Variants in CABP5 observed in about 807,000 individuals in gnomAD.
CABP5 encodes the protein calcium binding protein 5, also known as calcium-binding protein 5.
In CABP5, 17 loss-of-function variants were observed where a neutral mutation model predicts 21.9. The ratio of observed to expected loss-of-function variants is 0.78; its 90% CI spans 0.53 to 1.17. The LOEUF is 1.17. Ranked by LOEUF, CABP5 falls within the 50% of genes most tolerant of loss-of-function variation. The pLI is 0.00. For missense variants in CABP5, 229 were observed against 228.9 expected (o/e 1.00, Z 0.00); for synonymous variants, 85 against 79.4 (o/e 1.07, Z -0.37).
At chr19:48,039,653 T>C (rs977806839) in intron 3 of CABP5, among the ~76,000 whole-genome samples, 1 of 150,714 alleles carries the variant, frequency 6.6e-6, no homozygotes, top group Non-Finnish European at 1.5e-5. Context: ...ATCATTACCT[T>C]GAATTCAACC....
In CABP5 at chr19:48,044,071, T is replaced by C; in HGVS notation, c.-149A>G. On this transcript the variant is annotated 5_prime_UTR_variant, in exon 1 of 6. Transcript: ENST00000293255. Reference sequence around the variant, plus strand: ...GGCTTCTCCTTCGGTCCCGGTGTCTTAGAGCTGTGACAGCTGGGCTGGAAA... The same window carrying C: ...GGCTTCTCCTTCGGTCCCGGTGTCTCAGAGCTGTGACAGCTGGGCTGGAAA... 8.2e-6 allele frequency: 5 copies of C among 609,736 alleles called. No individual in the cohort carries two copies. Among genetic ancestry groups the C allele is most frequent in the Non-Finnish European group, 1.1e-5 (4 of 370,372 alleles). 37.8% of individuals were successfully genotyped at this position (609,736 alleles called of 1,614,324 possible).
intron 3 of CABP5, among the ~76,000 whole-genome samples, chr19:48,039,980 G>A (rs1382070048): frequency 1.3e-5 from 2 of 152,028 alleles, no homozygotes; most frequent in East Asian, 3.9e-4. Context: ...CTCCCAGAGT[G>A]CTGGAATTAC....
rs769946190 is a variant in CABP5 at position 48,039,222 on chromosome 19, C to T, written c.334G>A (p.Asp112Asn). Reference sequence around the variant, plus strand: ...TGTTAACTCACCTCCTTGAAGGCATCCCGCATCTCCTGGACACCGATCATC... The same window carrying T: ...TGTTAACTCACCTCCTTGAAGGCATTCCGCATCTCCTGGACACCGATCATC... ...AGMIGVQEMRDAFKEFDTNGD... is the reference protein window; with the variant it reads ...AGMIGVQEMRNAFKEFDTNGD... The change falls in exon 4 of 6, where the codon GAT becomes AAT. Residue 112 changes from aspartate to asparagine, a missense_variant. Transcript: ENST00000293255. 1 of 1,613,784 alleles carries T rather than the reference C, an allele frequency of 6.2e-7. No individual in the cohort carries two copies. The highest frequency in any genetic ancestry group is 8.5e-7 in the Non-Finnish European group (1 of 1,179,728).
chr19:48,038,878 G>T, intron 4 of CABP5, among the ~76,000 whole-genome samples: 1 of 151,982 alleles, frequency 6.6e-6, no homozygotes, highest in Non-Finnish European at 1.5e-5. Flanking sequence ...TCTTGGATAA[G>T]ATTTATAATC....
chr19:48,044,065 G>C lies in CABP5; in HGVS notation c.-143C>G, dbSNP rs1400005823. On this transcript the variant is annotated 5_prime_UTR_variant, in exon 1 of 6. Transcript: ENST00000293255. Reference sequence around the variant, plus strand: ...TCTCTTGGCTTCTCCTTCGGTCCCGGTGTCTTAGAGCTGTGACAGCTGGGC... The same window carrying C: ...TCTCTTGGCTTCTCCTTCGGTCCCGCTGTCTTAGAGCTGTGACAGCTGGGC... The C allele has an allele frequency of 3.1e-6, 2 of 644,024 alleles. No individual in the cohort carries two copies. Among genetic ancestry groups the C allele is most frequent in the African/African-American group, 1.9e-5 (1 of 51,588 alleles). The allele number at this position is 644,024 out of a possible 1,614,324, so 39.9% of individuals were successfully genotyped here.
At position 48,034,063 on chromosome 19, in the gene CABP5, G is replaced by T. The variant is rs1376038139; in HGVS notation, c.496+152C>A. The T allele has an allele frequency of 7.0e-6, 5 of 710,820 alleles. No homozygotes were observed. In the Admixed American group the frequency reaches 1.8e-4, roughly 26 times the overall value. The allele number at this position is 710,820 out of a possible 1,614,324, so 44.0% of individuals were successfully genotyped here. ...TGAATAGCCTGGGAAGAAAGGGACA[G>T]AACAAATGCTTCCAAAACCTGCCAC... On this transcript the variant is annotated intron_variant, in intron 5 of 5. Coordinates refer to ENST00000293255, the MANE Select transcript of CABP5 (RefSeq NM_019855.5).
chr19:48,039,503 G>T (rs1411868668), intron 3 of CABP5, among the ~76,000 whole-genome samples, 186 bp from the exon 4 acceptor site: 1 of 152,128 alleles, frequency 6.6e-6, no homozygotes, highest in Non-Finnish European at 1.5e-5. Flanking sequence ...AACAGGAGTG[G>T]ATAGGGTGTG....
rs1325665371 is a variant in CABP5, at chr19:48,030,320, C to T, written c.*237G>A. The T allele has an allele frequency of 1.1e-5, 5 of 462,158 alleles. No homozygotes were observed. The highest frequency in any genetic ancestry group is 4.1e-5 in the African/African-American group (2 of 49,184). 28.6% of individuals were successfully genotyped at this position (462,158 alleles called of 1,614,324 possible). A position where few individuals can be genotyped will look rare whatever the true frequency, so the allele number is the denominator to read the frequency against. Reference sequence around the variant, plus strand: ...GGGGTGGCAACTGGACCCTCCCACGCTTCCTATTTCCATCCACAGACTCTT... The same window carrying T: ...GGGGTGGCAACTGGACCCTCCCACGTTTCCTATTTCCATCCACAGACTCTT... On this transcript the variant is annotated 3_prime_UTR_variant, in exon 6 of 6. Coordinates refer to ENST00000293255, the MANE Select transcript of CABP5 (RefSeq NM_019855.5).
rs917294701 is a variant in CABP5 at position 48,029,848 on chromosome 19, T to G, written c.*709A>C. ...AGAGAGAGAGAGAGAAACCAGACAG[T>G]GCTTCCAGGAAATCAGGAAAAGGAA... On this transcript the variant is annotated 3_prime_UTR_variant, in exon 6 of 6. Transcript: ENST00000293255. 3 of 96,050 alleles carry G rather than the reference T, an allele frequency of 3.1e-5. No homozygotes were observed. Among genetic ancestry groups the G allele is most frequent in the Admixed American group, 2.0e-4 (2 of 9,838 alleles). The allele number at this position is 96,050 out of a possible 1,614,324, so 5.9% of individuals were successfully genotyped here.
At position 48,030,411 on chromosome 19, in the gene CABP5, T is replaced by G; in HGVS notation, c.*146A>C. On this transcript the variant is annotated 3_prime_UTR_variant, in exon 6 of 6. Transcript: ENST00000293255. The stretch of plus-strand genomic sequence containing the variant: ...AGATACCGCTCTGGGTCTCACCCCA[T>G]GCACAGCGCCGCATGCCAATGCCCT... The G allele has an allele frequency of 2.8e-6, 2 of 722,900 alleles. No homozygotes were observed. 44.8% of individuals were successfully genotyped at this position (722,900 alleles called of 1,614,324 possible). A position where few individuals can be genotyped will look rare whatever the true frequency, so the allele number is the denominator to read the frequency against.
intron 5 of CABP5, among the ~76,000 whole-genome samples, chr19:48,033,803 T>A (rs1369632295): frequency 6.6e-6 from 1 of 152,322 alleles, no homozygotes; most frequent in African/African-American, 2.4e-5. Flanking sequence ...ATAAGCCACA[T>A]GCTGAGTCAG....
At chr19:48,039,410 T>A in intron 3 of CABP5, 93 bp from the exon 4 acceptor site, 1 of 926,804 alleles carries the variant, frequency 1.1e-6, no homozygotes, top group Non-Finnish European at 1.8e-6. Flanking sequence ...TCAGCTCCCT[T>A]CTCCCTGCCC....
Position 48,029,837 on chromosome 19 carries a change from A to AGAGAGAGAGAGGGAGAG in CABP5, c.*719_*720insCTCTCCCTCTCTCTCTC, listed in dbSNP as rs55880842. The AGAGAGAGAGAGGGAGAG allele has an allele frequency of 6.7e-6, 1 of 149,866 alleles. No individual in the cohort carries two copies. The allele number at this position is 149,866 out of a possible 1,614,324, so 9.3% of individuals were successfully genotyped here. A position where few individuals can be genotyped will look rare whatever the true frequency, so the allele number is the denominator to read the frequency against. ...GAGAGAGAGAGAGAGAGAGAGAGAG[A>AGAGAGAGAGAGGGAGAG]AACCAGACAGTGCTTCCAGGAAATC... is the stretch of plus-strand genomic sequence containing the variant. On this transcript the variant is annotated 3_prime_UTR_variant, in exon 6 of 6. Transcript: ENST00000293255.
Position 48,029,794 on chromosome 19 carries a change from C to CAGAGAGAGAG in CABP5, c.*762_*763insCTCTCTCTCT, listed in dbSNP as rs1404400701. On this transcript the variant is annotated 3_prime_UTR_variant, in exon 6 of 6. Transcript: ENST00000293255. The stretch of plus-strand genomic sequence containing the variant: ...ATGTGGGAGGGGAGACAGAGACAGA[C>CAGAGAGAGAG]AGACAGAGAGAGAGAGAGAGAGAGA... 3.5e-3 allele frequency among the ~76,000 whole-genome samples: 298 copies of CAGAGAGAGAG among 85,396 alleles called. 1 individual carries two copies. Among genetic ancestry groups the CAGAGAGAGAG allele is most frequent in the African/African-American group, 9.4e-3 (234 of 24,930 alleles). 56.0% of individuals were successfully genotyped at this position (85,396 alleles called of 152,430 possible).
At chr19:48,043,564 C>T (rs1273080998) in intron 1 of CABP5, among the ~76,000 whole-genome samples, 1 of 140,252 alleles carries the variant, frequency 7.1e-6, no homozygotes, top group Non-Finnish European at 1.5e-5. Context: ...TCACAATGAG[C>T]ATCCATAGAA....
Position 48,034,250 on chromosome 19 carries a change from G to C in CABP5, c.461C>G (p.Ala154Gly), listed in dbSNP as rs1967378107. ...PREISEVVRE[A>G]DVNGDGTVDF... Reference sequence around the variant, plus strand: ...AACTGTGCCGTCTCCATTAACATCAGCCTCCCGGACAACCTCAGAGATCTC... The same window carrying C: ...AACTGTGCCGTCTCCATTAACATCACCCTCCCGGACAACCTCAGAGATCTC... The change falls in exon 5 of 6, where the codon GCT becomes GGT. Residue 154 changes from alanine (A) to glycine (G), a missense_variant. Ala to Gly is a moderately conservative substitution (Grantham distance 60). Transcript: ENST00000293255. 6.2e-7 allele frequency: 1 copy of C among 1,606,392 alleles called. No individual in the cohort carries two copies. Among genetic ancestry groups the C allele is most frequent in the Non-Finnish European group, 8.5e-7 (1 of 1,177,004 alleles).
chr19:48,037,777 G>T (rs1264585064), intron 4 of CABP5, among the ~76,000 whole-genome samples: 1 of 152,078 alleles, frequency 6.6e-6, no homozygotes, highest in Non-Finnish European at 1.5e-5. Flanking sequence ...GTTCTTAGTA[G>T]GTGCTTAGCA....
At chr19:48,037,555 A>ACCACGC (rs1474640517) in intron 4 of CABP5, among the ~76,000 whole-genome samples, 2 of 151,994 alleles carry the variant, frequency 1.3e-5, no homozygotes, top group Admixed American at 6.6e-5. Context: ...GGCATGAGCC[A>ACCACGC]CTGCACCTGG....
chr19:48,042,701 A>G (rs1345073487), intron 1 of CABP5, among the ~76,000 whole-genome samples: 1 of 151,308 alleles, frequency 6.6e-6, no homozygotes, highest in Non-Finnish European at 1.5e-5. Context: ...CAGCCTCCCG[A>G]GTAGCTGGGA....
Sources: allele counts gnomAD v4.1 joint callset (sites outside exome capture counted in the v4.1 genomes callset), GRCh38; gene constraint gnomAD v4.1.1; transcripts MANE v1.5; gene names NCBI Gene and HGNC (gene_info 2026-07-23, HGNC 2026-07-21).